The following ZNF383 variants were observed in gnomAD, a reference collection of about 807,000 sequenced individuals.
ZNF383 encodes zinc finger protein 383.
In ZNF383, 32 loss-of-function variants were observed where a neutral mutation model predicts 44.2. That is an observed-to-expected ratio of 0.72 (90% CI 0.55 to 0.97). The LOEUF is 0.97. ZNF383 is among the 50% of genes least tolerant of loss of function. The pLI, the probability that ZNF383 is intolerant of heterozygous loss-of-function variation, is 0.00. For missense variants in ZNF383, 487 were observed against 562.5 expected (o/e 0.87, Z 1.36); for synonymous variants, 155 against 186.2 (o/e 0.83, Z 1.36).
chr19:37,230,738 T>C (rs1781969596), intron 3 of ZNF383, among the ~76,000 whole-genome samples: 1 of 152,178 alleles, frequency 6.6e-6, no homozygotes, highest in Admixed American at 6.5e-5. Context: ...ATGAATTATC[T>C]CAAGGAAGCA....
chr19:37,235,071 G>A (rs544522499), intron 3 of ZNF383, among the ~76,000 whole-genome samples: 27 of 152,034 alleles, frequency 1.8e-4, no homozygotes, highest in African/African-American at 5.3e-4. Flanking sequence ...TCAGGAGTTC[G>A]AGACCAGCCT....
rs746556862 is a variant in ZNF383 at position 37,242,681 on chromosome 19, C to T, written c.445C>T (p.Pro149Ser). The part of the protein sequence containing the change: ...SQEIFTPEYM[P>S]TFIQQTFLTL... The stretch of plus-strand genomic sequence containing the variant: ...AGAAATATTCACTCCTGAATACATG[C>T]CCACATTTATTCAACAGACATTCCT... Residue 149 changes from proline (P) to serine (S), a missense_variant, in exon 6 of 6, where the codon CCC becomes TCC. Transcript: ENST00000684119. The T allele has an allele frequency of 2.1e-5, 34 of 1,613,572 alleles. No individual in the cohort carries two copies. Among genetic ancestry groups the T allele is most frequent in the Admixed American group, 3.3e-5 (2 of 59,996 alleles).
chr19:37,236,147 C>A, intron 5 of ZNF383, 73 bp downstream of exon 5: 1 of 1,142,744 alleles, frequency 8.8e-7, no homozygotes, highest in Non-Finnish European at 1.3e-6. Flanking sequence ...GGAAACAGCA[C>A]CTTTGAGATG....
rs139178446 is a variant in ZNF383, at chr19:37,223,815, C to T, written c.-167-1003C>T. On this transcript the variant is annotated intron_variant, in intron 1 of 5. Coordinates refer to ENST00000684119, the MANE Select transcript of ZNF383 (RefSeq NM_001387601.1). The stretch of plus-strand genomic sequence containing the variant: ...TTGGGAGGCCCAGGCTGGTGGATCA[C>T]GAGGTCAGGAGTTCAAGACTAGCCT... 3.3e-3 allele frequency among the ~76,000 whole-genome samples: 505 copies of T among 152,048 alleles called. 7 individuals carry two copies. Among genetic ancestry groups the T allele is most frequent in the African/African-American group, 0.012 (486 of 41,492 alleles).
chr19:37,242,681 C>G lies in ZNF383; in HGVS notation c.445C>G (p.Pro149Ala). The change falls in exon 6 of 6, where the codon CCC becomes GCC. Residue 149 changes from proline (P) to alanine (A), a missense_variant. Physicochemically the swap from Pro to Ala is conservative, Grantham distance 27. Transcript: ENST00000684119. ...AGAAATATTCACTCCTGAATACATG[C>G]CCACATTTATTCAACAGACATTCCT... ...SQEIFTPEYM[P>A]TFIQQTFLTL... 1 of 1,613,692 alleles carries G rather than the reference C, an allele frequency of 6.2e-7. No individual in the cohort carries two copies. Among genetic ancestry groups the G allele is most frequent in the Non-Finnish European group, 8.5e-7 (1 of 1,179,694 alleles).
chr19:37,243,252 A>G lies in ZNF383; in HGVS notation c.1016A>G (p.Glu339Gly). 1 of 1,614,172 alleles carries G rather than the reference A, an allele frequency of 6.2e-7. No individual in the cohort carries two copies. Among genetic ancestry groups the G allele is most frequent in the South Asian group, 1.1e-5 (1 of 91,084 alleles). ...QRIHTGEKPY[E>G]CKECGKAFSS... ...ATTCATACTGGTGAGAAACCCTATG[A>G]GTGCAAGGAATGTGGCAAAGCCTTT... The change falls in exon 6 of 6, where the codon GAG becomes GGG. Residue 339 changes from glutamate to glycine, a missense_variant. By Grantham distance (98) the Glu-to-Gly change is moderately conservative. Coordinates refer to ENST00000684119, the MANE Select transcript of ZNF383 (RefSeq NM_001387601.1).
chr19:37,229,147 A>ATTTTTTTT (rs774901192), intron 2 of ZNF383, among the ~76,000 whole-genome samples: 2 of 116,878 alleles, frequency 1.7e-5, no homozygotes, highest in Non-Finnish European at 3.5e-5. Flanking sequence ...AAAAGGTTGA[A>ATTTTTTTT]TTTTTTTTTT....
rs1453992050 is a variant in ZNF383, at chr19:37,246,572, A to C, written c.*2908A>C. 1 of 152,110 alleles carries C rather than the reference A, an allele frequency of 6.6e-6. No individual in the cohort carries two copies. The highest frequency in any genetic ancestry group is 1.5e-5 in the Non-Finnish European group (1 of 68,050). 9.4% of individuals were successfully genotyped at this position (152,110 alleles called of 1,614,324 possible). On this transcript the variant is annotated 3_prime_UTR_variant, in exon 6 of 6. Transcript: ENST00000684119. ...GATCACTTGAGGTCAGGAGCTCGAG[A>C]CCAGCCTGGCCAACATGGTGAAACC...
chr19:37,237,006 C>T (rs964940266), intron 5 of ZNF383, among the ~76,000 whole-genome samples: 3 of 150,270 alleles, frequency 2.0e-5, no homozygotes, highest in African/African-American at 7.3e-5. Flanking sequence ...GAGACACACA[C>T]ACACACACCC....
chr19:37,221,934 C>G (rs1051080999), intron 1 of ZNF383, among the ~76,000 whole-genome samples: 1 of 142,090 alleles, frequency 7.0e-6, no homozygotes, highest in Non-Finnish European at 1.5e-5. Flanking sequence ...CCAGCCTGGC[C>G]GACAGAGCGA....
intron 5 of ZNF383, among the ~76,000 whole-genome samples, chr19:37,241,487 C>T (rs1483896774): frequency 6.6e-6 from 1 of 152,198 alleles, no homozygotes; most frequent in African/African-American, 2.4e-5. Flanking sequence ...TCTCCTATCA[C>T]ATCAGTGCAT....
chr19:37,226,024 C>T (rs953333568), intron 2 of ZNF383, among the ~76,000 whole-genome samples: 1 of 149,404 alleles, frequency 6.7e-6, no homozygotes, highest in Non-Finnish European at 1.5e-5. Flanking sequence ...TGGTCTCGAT[C>T]TCCTGACCTC....
At chr19:37,230,174 C>T (rs1288273841) in intron 2 of ZNF383, among the ~76,000 whole-genome samples, 1 of 152,096 alleles carries the variant, frequency 6.6e-6, no homozygotes, top group Non-Finnish European at 1.5e-5. Flanking sequence ...TTGGCTAAGG[C>T]AGGAACTTAG....
chr19:37,237,180 G>A (rs1459732935), intron 5 of ZNF383, among the ~76,000 whole-genome samples: 1 of 152,028 alleles, frequency 6.6e-6, no homozygotes, highest in African/African-American at 2.4e-5. Context: ...CAAATTCAAG[G>A]TCCAAAAGTG....
At chr19:37,228,518 A>G (rs1973294236) in intron 2 of ZNF383, among the ~76,000 whole-genome samples, 1 of 152,034 alleles carries the variant, frequency 6.6e-6, no homozygotes, top group African/African-American at 2.4e-5. Context: ...CTCTTCCCTT[A>G]ACACCTGGGT....
At position 37,243,459 on chromosome 19, in the gene ZNF383, A is replaced by G. The variant is rs774137706; in HGVS notation, c.1223A>G (p.Gln408Arg). 3 of 1,614,078 alleles carry G rather than the reference A, an allele frequency of 1.9e-6. No individual in the cohort carries two copies. In the Admixed American group the frequency reaches 5.0e-5, roughly 27 times the overall value. Residue 408 changes from glutamine (Q) to arginine (R), a missense_variant, in exon 6 of 6, where the codon CAA (glutamine) becomes CGA (arginine). Gln to Arg is a conservative substitution (Grantham distance 43). Coordinates refer to ENST00000684119, the MANE Select transcript of ZNF383 (RefSeq NM_001387601.1). ...GGGAAGGCCTTTACTCAGAACTCAC[A>G]ACTTTTCCAGCATCAGAGAATTCAT... ...ECGKAFTQNS[Q>R]LFQHQRIHTD...
intron 1 of ZNF383, among the ~76,000 whole-genome samples, chr19:37,220,110 A>G (rs1235150277): frequency 2.0e-5 from 3 of 152,242 alleles, no homozygotes; most frequent in Admixed American, 1.3e-4. Context: ...ATTTCCTTCT[A>G]GTAAGTTTCC....
intron 3 of ZNF383, among the ~76,000 whole-genome samples, chr19:37,232,346 G>A (rs1216853397): frequency 3.3e-5 from 5 of 152,100 alleles, no homozygotes; most frequent in Non-Finnish European, 5.9e-5. Context: ...GGGATTACAG[G>A]TGTGAGCCAC....
chr19:37,241,293 C>T (rs570721858), intron 5 of ZNF383, among the ~76,000 whole-genome samples: 16 of 152,252 alleles, frequency 1.1e-4, no homozygotes, highest in African/African-American at 3.6e-4. Flanking sequence ...ACCTGCAGGT[C>T]AGCCAGCTAA....
Sources: gnomAD v4.1 joint callset for allele counts (sites outside exome capture counted in the v4.1 genomes callset) on GRCh38, gnomAD v4.1.1 for gene constraint, MANE v1.5 for transcripts, NCBI Gene and HGNC (gene_info 2026-07-23, HGNC 2026-07-21) for gene names.